The following CA10 variants were observed in gnomAD, a reference collection of about 807,000 sequenced individuals.
CA10 encodes the protein carbonic anhydrase-related protein 10.
In CA10, 14 loss-of-function variants were observed where a neutral mutation model predicts 44.2. That is an observed-to-expected ratio of 0.32 (90% confidence interval 0.21 to 0.50). The LOEUF (loss-of-function observed/expected upper bound fraction) is 0.50. CA10 is among the 20% of genes least tolerant of loss of function. The pLI is 0.99. For missense variants in CA10, 350 were observed against 409.7 expected, an observed-to-expected ratio of 0.85 and a Z score of 1.26; for synonymous variants, 159 against 141.6, an observed-to-expected ratio of 1.12 and a Z score of -0.87.
chr17:51,977,392 C>A (rs896772880), intron 2 of CA10, among the ~76,000 whole-genome samples: 1 of 151,406 alleles, frequency 6.6e-6, no homozygotes, highest in Non-Finnish European at 1.5e-5. Context: ...GCTAAATATA[C>A]AAAATTAAAT....
intron 3 of CA10, among the ~76,000 whole-genome samples, chr17:51,780,286 T>C (rs1906006107): frequency 6.6e-6 from 1 of 152,174 alleles, no homozygotes. Context: ...ATAATCTAGT[T>C]CAATCCTTTC....
intron 3 of CA10, among the ~76,000 whole-genome samples, chr17:51,754,285 AGTGTGTGTGTGTGT>A (rs60269292): frequency 0.31 from 43,786 of 140,616 alleles, 7,535 homozygotes; most frequent in Admixed American, 0.38. Context: ...GAAACAGAAT[AGTGTGTGTGTGTGT>A]GTGTGTGTGT....
intron 2 of CA10, among the ~76,000 whole-genome samples, chr17:52,015,714 C>A (rs2144143738): frequency 6.6e-6 from 1 of 152,214 alleles, no homozygotes; most frequent in South Asian, 2.1e-4. Context: ...TTCACCATTT[C>A]TTCAAGAAAT....
At position 51,923,820 on chromosome 17, in the gene CA10, T is replaced by C. The variant is rs376176636; in HGVS notation, c.279+7170A>G. Among the ~76,000 whole-genome samples the C allele has an allele frequency of 3.3e-5, 5 of 152,176 alleles. No homozygotes were observed. In the East Asian group the frequency reaches 7.7e-4, roughly 24 times the overall value. ...CTTTTCCCCATGGGCCTTCTCACAT[T>C]CCCCCCACCTTGGATCGTAGCAACT... is the stretch of plus-strand genomic sequence containing the variant. On this transcript the variant is annotated intron_variant, in intron 3 of 8. Transcript: ENST00000451037.
intron 3 of CA10, among the ~76,000 whole-genome samples, chr17:51,831,730 C>CAGCAGA (rs1908279914): frequency 6.8e-6 from 1 of 146,208 alleles, no homozygotes; most frequent in Admixed American, 6.8e-5. Flanking sequence ...GCAGCAGCAG[C>CAGCAGA]AGAAAAAGAC....
chr17:51,749,387 A>C (rs1904816369), intron 3 of CA10, among the ~76,000 whole-genome samples: 1 of 152,176 alleles, frequency 6.6e-6, no homozygotes. Flanking sequence ...GGAGCCGTGA[A>C]ACTACCATGC....
chr17:51,843,958 G>A (rs1412235589), intron 3 of CA10, among the ~76,000 whole-genome samples: 1 of 152,112 alleles, frequency 6.6e-6, no homozygotes, highest in Non-Finnish European at 1.5e-5. Context: ...TGGAATCTTA[G>A]TCAACATCAT....
intron 2 of CA10, among the ~76,000 whole-genome samples, chr17:52,046,444 T>C (rs1986915351): frequency 6.6e-6 from 1 of 151,880 alleles, no homozygotes; most frequent in South Asian, 2.1e-4. Context: ...TGAGTAATGT[T>C]ATGCTAATAA....
intron 3 of CA10, among the ~76,000 whole-genome samples, chr17:51,812,385 C>T (rs895938614): frequency 6.6e-6 from 1 of 152,170 alleles, no homozygotes; most frequent in Non-Finnish European, 1.5e-5. Flanking sequence ...CATCTGTTTC[C>T]AATCCCATGT....
At position 52,105,019 on chromosome 17, in the gene CA10, C is replaced by T. The variant is rs535398739; in HGVS notation, c.62-32626G>A. 6.1e-4 allele frequency among the ~76,000 whole-genome samples: 93 copies of T among 152,220 alleles called. 2 individuals are homozygous for T. In the South Asian group the frequency reaches 0.018, roughly 29 times the overall value. ...ACTTTAGACTCACCTGAAGTCTAGACGCTCAGCTTCCAGGGATTCTGGTTC... is the reference window on the plus strand; with the variant it reads ...ACTTTAGACTCACCTGAAGTCTAGATGCTCAGCTTCCAGGGATTCTGGTTC... On this transcript the variant is annotated intron_variant, in intron 1 of 8. Transcript: ENST00000451037.
intron 1 of CA10, 64 bp downstream of exon 1, chr17:52,157,662 C>T: frequency 6.9e-7 from 1 of 1,459,196 alleles, no homozygotes; most frequent in Non-Finnish European, 9.6e-7. Context: ...TACAATAAAA[C>T]CCCATACACC....
chr17:51,905,272 A>G (rs1170952866), intron 3 of CA10, among the ~76,000 whole-genome samples: 2 of 152,136 alleles, frequency 1.3e-5, no homozygotes, highest in African/African-American at 4.8e-5. Context: ...TCTTTGCGCA[A>G]AAGGTTTGCA....
intron 3 of CA10, among the ~76,000 whole-genome samples, chr17:51,782,183 A>C (rs1439486654): frequency 1.3e-5 from 2 of 152,266 alleles, no homozygotes; most frequent in African/African-American, 4.8e-5. Flanking sequence ...CCCCGTGGTC[A>C]TCTGAATACT....
chr17:52,106,538 A>C (rs1053393264), intron 1 of CA10, among the ~76,000 whole-genome samples: 2 of 152,154 alleles, frequency 1.3e-5, no homozygotes, highest in Non-Finnish European at 2.9e-5. Context: ...AACACATGTC[A>C]AGTTCCATGC....
At chr17:51,815,858 T>C (rs928121316) in intron 3 of CA10, among the ~76,000 whole-genome samples, 5 of 152,086 alleles carry the variant, frequency 3.3e-5, no homozygotes, top group African/African-American at 1.2e-4. Flanking sequence ...AGGCTTGCAA[T>C]GTGAAATAAG....
At chr17:51,794,231 A>G (rs993498825) in intron 3 of CA10, among the ~76,000 whole-genome samples, 5 of 152,260 alleles carry the variant, frequency 3.3e-5, no homozygotes, top group Non-Finnish European at 7.3e-5. Flanking sequence ...AACAACAAAA[A>G]TGAGCCTGTT....
chr17:52,057,660 C>T (rs2143077418), intron 2 of CA10, among the ~76,000 whole-genome samples: 1 of 152,150 alleles, frequency 6.6e-6, no homozygotes, highest in Non-Finnish European at 1.5e-5. Flanking sequence ...TGTTAAAACT[C>T]AACAGTAACT....
At chr17:52,060,570 A>T (rs938471504) in intron 2 of CA10, among the ~76,000 whole-genome samples, 89 of 152,272 alleles carry the variant, frequency 5.8e-4, no homozygotes, top group African/African-American at 2.0e-3. Flanking sequence ...CAAAATAAAA[A>T]AATTATTTTG....
intron 3 of CA10, among the ~76,000 whole-genome samples, chr17:51,909,394 T>G (rs1981698486): frequency 6.6e-6 from 1 of 152,102 alleles, no homozygotes; most frequent in African/African-American, 2.4e-5. Context: ...TTCAAGGAAC[T>G]GAAAGCCACA....
Sources: allele counts gnomAD v4.1 joint callset (sites outside exome capture counted in the v4.1 genomes callset), GRCh38; gene constraint gnomAD v4.1.1; transcripts MANE v1.5; gene names NCBI Gene and HGNC (gene_info 2026-07-23, HGNC 2026-07-21).